Variants in BCHE observed in about 807,000 individuals in gnomAD.
BCHE encodes cholinesterase.
In BCHE, 48 loss-of-function variants were observed where a neutral mutation model predicts 51.3. The ratio of observed to expected loss-of-function variants is 0.94; its 90% CI spans 0.74 to 1.19. BCHE has a LOEUF of 1.19. BCHE is among the 50% of genes most tolerant of loss of function. The probability of loss-of-function intolerance (pLI) is 0.00; values close to 1 mark genes in which losing one functional copy is unlikely to be tolerated. For synonymous variants in BCHE, 251 were observed against 238.0 expected (o/e 1.05, Z -0.50); for missense variants, 847 against 708.2 (o/e 1.20, Z -2.23).
chr3:165,794,791 T>G (rs1457531517), intron 2 of BCHE, among the ~76,000 whole-genome samples: 1 of 152,164 alleles, frequency 6.6e-6, no homozygotes, highest in Admixed American at 6.5e-5. Flanking sequence ...TGTTTGCATC[T>G]CTGTATTCTG....
chr3:165,789,439 G>A (rs893225283), intron 2 of BCHE, among the ~76,000 whole-genome samples: 18 of 152,030 alleles, frequency 1.2e-4, no homozygotes, highest in Non-Finnish European at 1.9e-4. Context: ...GCCCTGATAT[G>A]AAGAAAAATT....
intron 2 of BCHE, among the ~76,000 whole-genome samples, chr3:165,786,637 T>TTTTG (rs1192572460): frequency 1.3e-5 from 2 of 151,834 alleles, no homozygotes; most frequent in African/African-American, 4.8e-5. Flanking sequence ...GTGGTGTTAC[T>TTTTG]TTTGTTTCAT....
intron 2 of BCHE, among the ~76,000 whole-genome samples, chr3:165,797,966 A>ATC (rs1196374392): frequency 6.6e-6 from 1 of 152,234 alleles, no homozygotes; most frequent in Non-Finnish European, 1.5e-5. Context: ...AGCATATCAA[A>ATC]TAATTGTTCT....
intron 2 of BCHE, among the ~76,000 whole-genome samples, chr3:165,822,047 G>T (rs1376970675): frequency 6.6e-6 from 1 of 151,948 alleles, no homozygotes; most frequent in African/African-American, 2.4e-5. Flanking sequence ...CATGTGTGCT[G>T]TGATGTTACT....
At chr3:165,817,317 C>G (rs1714348021) in intron 2 of BCHE, among the ~76,000 whole-genome samples, 1 of 152,028 alleles carries the variant, frequency 6.6e-6, no homozygotes, top group Admixed American at 6.6e-5. Context: ...TTCTTCTGTA[C>G]ACTTCATGCT....
chr3:165,786,240 G>A lies in BCHE; in HGVS notation c.1589C>T (p.Thr530Ile). The A allele has an allele frequency of 6.2e-7, 1 of 1,612,064 alleles. No individual in the cohort carries two copies. The highest frequency in any genetic ancestry group is 8.5e-7 in the Non-Finnish European group (1 of 1,178,636). Residue 530 changes from threonine (T) to isoleucine (I), a missense_variant, in exon 3 of 4, where the codon ACC (threonine) becomes ATC (isoleucine). By Grantham distance (89) the Thr-to-Ile change is moderately conservative. Transcript: ENST00000264381. The part of the protein sequence containing the change: ...VFKSTEQKYL[T>I]LNTESTRIMT... ...TATTCTTGTTGACTCTGTATTCAAG[G>A]TTAGATATTTTTGTTCAGTGCTTTT...
At chr3:165,793,055 G>T (rs934147255) in intron 2 of BCHE, among the ~76,000 whole-genome samples, 4 of 151,920 alleles carry the variant, frequency 2.6e-5, no homozygotes, top group African/African-American at 9.7e-5. Flanking sequence ...GTCTAAATTT[G>T]GTTTTGTTAC....
At chr3:165,836,530 A>T (rs7653721) in intron 1 of BCHE, among the ~76,000 whole-genome samples, 4 of 152,012 alleles carry the variant, frequency 2.6e-5, no homozygotes, top group African/African-American at 4.8e-5. Flanking sequence ...AGTCATTCAT[A>T]GATTTTATAA....
intron 2 of BCHE, among the ~76,000 whole-genome samples, chr3:165,790,493 C>A (rs963729086): frequency 1.6e-4 from 25 of 152,136 alleles, no homozygotes; most frequent in African/African-American, 6.0e-4. Flanking sequence ...AATTACAGGG[C>A]TTTTCTGAGT....
chr3:165,816,981 A>G (rs1714336754), intron 2 of BCHE, among the ~76,000 whole-genome samples: 2 of 152,140 alleles, frequency 1.3e-5, no homozygotes, highest in Admixed American at 6.6e-5. Context: ...TATGAATTAA[A>G]CAATTTAATT....
chr3:165,773,621 CT>C lies in BCHE; in HGVS notation c.1685-116del, dbSNP rs547325251. 4.4e-4 allele frequency: 346 copies of C among 780,508 alleles called. 1 individual carries two copies. In the African/African-American group the frequency reaches 5.7e-3, roughly 13 times the overall value. 48.3% of individuals were successfully genotyped at this position (780,508 alleles called of 1,614,324 possible). ...TAACTACACAGTACAGCATTATTTT[CT>C]TTATTTATTCTTTATTATTTGTTAT... is the stretch of plus-strand genomic sequence containing the variant. On this transcript the variant is annotated intron_variant, in intron 3 of 3. Transcript: ENST00000264381.
At chr3:165,808,232 G>A (rs1231140781) in intron 2 of BCHE, among the ~76,000 whole-genome samples, 5 of 151,902 alleles carry the variant, frequency 3.3e-5, no homozygotes, top group Non-Finnish European at 2.9e-5. Flanking sequence ...TGATCAGCCC[G>A]CTTCTGCCTC....
At chr3:165,789,947 A>C (rs141223437) in intron 2 of BCHE, among the ~76,000 whole-genome samples, 1 of 152,332 alleles carries the variant, frequency 6.6e-6, no homozygotes, top group African/African-American at 2.4e-5. Context: ...GATGAGAAAG[A>C]CAATAAATAA....
chr3:165,821,340 C>T (rs1336126792), intron 2 of BCHE, among the ~76,000 whole-genome samples: 1 of 151,292 alleles, frequency 6.6e-6, no homozygotes, highest in Non-Finnish European at 1.5e-5. Flanking sequence ...CCTATACAGA[C>T]ATTTAGAATG....
At chr3:165,813,200 A>G (rs1339033267) in intron 2 of BCHE, among the ~76,000 whole-genome samples, 1 of 151,852 alleles carries the variant, frequency 6.6e-6, no homozygotes, top group African/African-American at 2.4e-5. Context: ...ACTACTTACC[A>G]ATAAAATTTA....
chr3:165,795,663 T>G (rs1451814378), intron 2 of BCHE, among the ~76,000 whole-genome samples: 1 of 152,158 alleles, frequency 6.6e-6, no homozygotes, highest in Non-Finnish European at 1.5e-5. Flanking sequence ...TCAGTTTTTT[T>G]CTTAGTTAAA....
intron 2 of BCHE, among the ~76,000 whole-genome samples, chr3:165,799,269 C>T (rs1312187368): frequency 6.6e-6 from 1 of 152,066 alleles, no homozygotes; most frequent in South Asian, 2.1e-4. Flanking sequence ...CTTACATATT[C>T]TTCCTGCTTT....
intron 2 of BCHE, among the ~76,000 whole-genome samples, chr3:165,819,774 T>C (rs946254171): frequency 2.2e-4 from 33 of 152,200 alleles, no homozygotes; most frequent in African/African-American, 7.9e-4. Flanking sequence ...TCATATCTGA[T>C]TGTGGAACAG....
At chr3:165,779,670 A>G (rs756717485) in intron 3 of BCHE, among the ~76,000 whole-genome samples, 1 of 152,124 alleles carries the variant, frequency 6.6e-6, no homozygotes, top group African/African-American at 2.4e-5. Flanking sequence ...CACAATTGCT[A>G]CAAAGAGAAT....
Sources: allele counts gnomAD v4.1 joint callset (sites outside exome capture counted in the v4.1 genomes callset), GRCh38; gene constraint gnomAD v4.1.1; transcripts MANE v1.5; gene names NCBI Gene and HGNC (gene_info 2026-07-23, HGNC 2026-07-21).